RRM2: variants seen among roughly 807,000 people sequenced by gnomAD.
RRM2 encodes ribonucleoside-diphosphate reductase subunit M2.
RRM2 carries 6 observed loss-of-function variants against 45.9 expected under a neutral mutation model. The ratio of observed to expected loss-of-function variants is 0.13; its 90% confidence interval spans 0.07 to 0.26. The LOEUF (loss-of-function observed/expected upper bound fraction) is 0.26, where lower values mean the gene tolerates loss of function less well. Ranked by LOEUF, RRM2 falls within the 10% of genes least tolerant of loss-of-function variation. The pLI, the probability that RRM2 is intolerant of heterozygous loss-of-function variation, is 1.00. For synonymous variants in RRM2, 177 were observed against 173.0 expected (o/e 1.02, Z -0.18); for missense variants, 343 against 489.5 (o/e 0.70, Z 2.82).
At chr2:10,173,980 G>A (rs889591888) in intron 3 of RRM2, among the ~76,000 whole-genome samples, 3 of 152,204 alleles carry the variant, frequency 2.0e-5, no homozygotes, top group Non-Finnish European at 2.9e-5. Flanking sequence ...TGATTGAACT[G>A]TGTCCCCTGC....
At chr2:10,123,258 C>A in intron 2 of RRM2, 129 bp from the exon 3 acceptor site, 1 of 1,317,612 alleles carries the variant, frequency 7.6e-7, no homozygotes, top group Non-Finnish European at 1.0e-6. Context: ...CCACGGAGTG[C>A]GACGGGACAG....
At chr2:10,192,238 C>G (rs549321269) in intron 3 of RRM2, among the ~76,000 whole-genome samples, 42 of 152,322 alleles carry the variant, frequency 2.8e-4, no homozygotes, top group Admixed American at 2.3e-3. Context: ...TTGTCCTATT[C>G]TGTGAACCAA....
chr2:10,195,507 G>T lies in RRM2; in HGVS notation n.483-14804G>T, dbSNP rs1664398461. Reference sequence around the variant, plus strand: ...GCCCAGCCCTGCAGTCAGGCAGTAGGTGAGCCCTGAAGGGTGAGGTTGCTT... The same window carrying T: ...GCCCAGCCCTGCAGTCAGGCAGTAGTTGAGCCCTGAAGGGTGAGGTTGCTT... On this transcript the variant is annotated intron_variant and non_coding_transcript_variant, in intron 3 of 3. Transcript: ENST00000381786. This position sits in a 1 kb window ranked among gnomAD's most constrained non-coding sequence, Gnocchi z 4.9. Among the ~76,000 whole-genome samples the T allele has an allele frequency of 6.6e-6, 1 of 152,234 alleles. No homozygotes were observed. The highest frequency in any genetic ancestry group is 1.5e-5 in the Non-Finnish European group (1 of 68,038).
chr2:10,198,861 G>T (rs996611156), intron 3 of RRM2: 1 of 152,164 alleles, frequency 6.6e-6, no homozygotes, highest in Non-Finnish European at 1.5e-5. Context: ...GAATGTTTCT[G>T]GTTGGAGGGC....
At chr2:10,175,237 C>A (rs559777572) in intron 3 of RRM2, among the ~76,000 whole-genome samples, 3 of 152,378 alleles carry the variant, frequency 2.0e-5, no homozygotes, top group Non-Finnish European at 2.9e-5. Flanking sequence ...GCCACACTCA[C>A]ACTCTCTTCA....
At chr2:10,132,497 C>T (rs1160798238), downstream of RRM2, among the ~76,000 whole-genome samples, 1 of 152,152 alleles carries the variant, frequency 6.6e-6, no homozygotes, top group Non-Finnish European at 1.5e-5. Flanking sequence ...ATGAAGATTT[C>T]TTCCCGTGCT....
intron 3 of RRM2, among the ~76,000 whole-genome samples, chr2:10,191,155 C>A (rs1418859919): frequency 1.3e-5 from 2 of 152,194 alleles, no homozygotes; most frequent in African/African-American, 4.8e-5. Flanking sequence ...AGGAGTGTGG[C>A]TTGTTTTCCA....
rs1663832672 is a variant in RRM2, at chr2:10,172,920, A to T, written n.482+30545A>T. Among the ~76,000 whole-genome samples, 1 of 152,184 alleles carries T rather than the reference A, an allele frequency of 6.6e-6. No individual in the cohort carries two copies. Among genetic ancestry groups the T allele is most frequent in the South Asian group, 2.1e-4 (1 of 4,836 alleles). On this transcript the variant is annotated intron_variant and non_coding_transcript_variant, in intron 3 of 3. Transcript: ENST00000381786. The surrounding 1 kb of genome is among the most constrained non-coding windows in gnomAD (Gnocchi z 4.9). ...CCCTGAGTCCCGGGGAACAGTGGCA[A>T]ATCAGCACTCAGGAAATATCTGTTG...
chr2:10,176,725 A>G (rs752144280), intron 3 of RRM2, among the ~76,000 whole-genome samples: 1 of 152,242 alleles, frequency 6.6e-6, no homozygotes, highest in Non-Finnish European at 1.5e-5. Context: ...ATTCCATTGT[A>G]TGAACAAAAC....
intron 3 of RRM2, among the ~76,000 whole-genome samples, chr2:10,157,016 C>CTTTTTTTTTTTT (rs71391198): frequency 3.5e-5 from 3 of 85,926 alleles, no homozygotes; most frequent in African/African-American, 4.7e-5. Context: ...CAGCCCATTT[C>CTTTTTTTTTTTT]TTTTTTTTTT....
intron 3 of RRM2, among the ~76,000 whole-genome samples, chr2:10,161,630 GCTCA>G (rs984401173): frequency 1.4e-4 from 21 of 151,898 alleles, no homozygotes; most frequent in African/African-American, 4.6e-4. Flanking sequence ...ACTCACACAT[GCTCA>G]CTCATGCACT....
chr2:10,124,134 G>A (rs1271346827), intron 4 of RRM2: 5 of 316,868 alleles, frequency 1.6e-5, no homozygotes, highest in African/African-American at 1.2e-4. Flanking sequence ...TTGAGACAGA[G>A]TCTCACTCTG....
intron 3 of RRM2, among the ~76,000 whole-genome samples, chr2:10,154,236 G>A (rs1663376028): frequency 6.6e-6 from 1 of 152,202 alleles, no homozygotes; most frequent in African/African-American, 2.4e-5. Flanking sequence ...CACTTTGGGA[G>A]GCCTAGGCGG....
At chr2:10,188,119 C>A (rs1664207816) in intron 3 of RRM2, among the ~76,000 whole-genome samples, 1 of 152,178 alleles carries the variant, frequency 6.6e-6, no homozygotes, top group African/African-American at 2.4e-5. Context: ...CCTGAGGACC[C>A]CGAGCTGCAG....
At chr2:10,131,814 G>A (rs1430045450), downstream of RRM2, among the ~76,000 whole-genome samples, 1 of 152,234 alleles carries the variant, frequency 6.6e-6, no homozygotes, top group Non-Finnish European at 1.5e-5. Flanking sequence ...CTTGCCTTGT[G>A]CCTATTGGCA....
chr2:10,125,775 T>C (rs954465868), intron 5 of RRM2, among the ~76,000 whole-genome samples: 37 of 152,162 alleles, frequency 2.4e-4, no homozygotes, highest in African/African-American at 8.9e-4. Context: ...TTGTAGACTT[T>C]GAAGTACATG....
In RRM2 at chr2:10,127,466, A is replaced by C. The variant is rs1662804044; in HGVS notation, c.798+246A>C. 2.6e-6 allele frequency: 1 copy of C among 390,622 alleles called. No individual in the cohort carries two copies. The highest frequency in any genetic ancestry group is 4.6e-6 in the Non-Finnish European group (1 of 217,692). The allele number at this position is 390,622 out of a possible 1,614,324, so 24.2% of individuals were successfully genotyped here. ...TTCCCCTATAGGCTTTGAATGCATAAAACTACAAGTTCTTTGTTTTTTGAG... is the reference window on the plus strand; with the variant it reads ...TTCCCCTATAGGCTTTGAATGCATACAACTACAAGTTCTTTGTTTTTTGAG... On this transcript the variant is annotated intron_variant, in intron 7 of 9. Transcript: ENST00000304567. The surrounding 1 kb of genome is among the most constrained non-coding windows in gnomAD (Gnocchi z 4.1).
Position 10,195,707 on chromosome 2 carries a change from C to T in RRM2, n.483-14604C>T, listed in dbSNP as rs1251911838. 6.6e-6 allele frequency among the ~76,000 whole-genome samples: 1 copy of T among 152,076 alleles called. No homozygotes were observed. Among genetic ancestry groups the T allele is most frequent in the African/African-American group, 2.4e-5 (1 of 41,394 alleles). ...GCCTCCTGCCTTTCTCCCTGACTGC[C>T]CAGCAGCAGTGTTCTTGGGCCTCAG... is the stretch of plus-strand genomic sequence containing the variant. On this transcript the variant is annotated intron_variant and non_coding_transcript_variant, in intron 3 of 3. Coordinates refer to the RRM2 transcript ENST00000381786. The surrounding 1 kb of genome is among the most constrained non-coding windows in gnomAD (Gnocchi z 4.9).
chr2:10,187,969 AGACT>A (rs59804749), intron 3 of RRM2, among the ~76,000 whole-genome samples: 2,620 of 152,270 alleles, frequency 0.017, 81 homozygotes, highest in African/African-American at 0.06. Context: ...GCCCCACACT[AGACT>A]GACTGAATCA....
Sources: gnomAD v4.1 joint callset for allele counts (sites outside exome capture counted in the v4.1 genomes callset) on GRCh38, gnomAD v4.1.1 for gene constraint, Gnocchi (gnomAD v3.1) non-coding constraint, MANE v1.5 for transcripts, NCBI Gene and HGNC (gene_info 2026-07-23, HGNC 2026-07-21) for gene names.